TUBG2: variants seen among roughly 807,000 people sequenced by gnomAD.
TUBG2 encodes the protein tubulin gamma-2 chain.
Under a neutral mutation model 55.1 loss-of-function variants are expected in TUBG2, and 39 were observed. That is an observed-to-expected ratio of 0.71 (90% CI 0.55 to 0.93). The LOEUF is 0.93. Ranked by LOEUF, TUBG2 falls within the 40% of genes least tolerant of loss-of-function variation. The pLI is 0.00. For missense variants in TUBG2, 358 were observed against 599.1 expected, an observed-to-expected ratio of 0.60 and a Z score of 4.20; for synonymous variants, 223 against 241.0, an observed-to-expected ratio of 0.93 and a Z score of 0.69.
rs769161589 is a variant in TUBG2, at chr17:42,666,373, C to T, written c.1047C>T (p.Ile349=). Residue 349 remains isoleucine (I), a synonymous_variant, in exon 10 of 11, where the codon ATC becomes ATT. Coordinates refer to ENST00000251412, the MANE Select transcript of TUBG2 (RefSeq NM_016437.3). The part of the protein sequence containing the change: ...RIRERKLANF[I]PWGPASIQVA... The stretch of plus-strand genomic sequence containing the variant: ...GGGAACGGAAGTTGGCCAACTTCAT[C>T]CCGTGGGGCCCCGCCAGCATCCAGG... 43 of 1,614,108 alleles carry T rather than the reference C, an allele frequency of 2.7e-5. No individual in the cohort carries two copies. Among genetic ancestry groups the T allele is most frequent in the Non-Finnish European group, 3.6e-5 (43 of 1,180,038 alleles).
At position 42,659,395 on chromosome 17, in the gene TUBG2, A is replaced by G; in HGVS notation, c.-109A>G. ...GCGCAGACCGAGCATCCGCGTCAAG[A>G]GGCGAAGAGAGCGCGCGCTCCCCAC... On this transcript the variant is annotated 5_prime_UTR_variant, in exon 1 of 11. Transcript: ENST00000251412. 1 of 1,169,160 alleles carries G rather than the reference A, an allele frequency of 8.6e-7. No individual in the cohort carries two copies. Among genetic ancestry groups the G allele is most frequent in the Non-Finnish European group, 1.2e-6 (1 of 848,438 alleles). The allele number at this position is 1,169,160 out of a possible 1,614,324, so 72.4% of individuals were successfully genotyped here.
At chr17:42,662,737 A>G (rs1308515138) in intron 4 of TUBG2, among the ~76,000 whole-genome samples, 4 of 152,212 alleles carry the variant, frequency 2.6e-5, no homozygotes, top group Non-Finnish European at 4.4e-5. Flanking sequence ...AGATGGGATT[A>G]TGTCCTGATA....
intron 9 of TUBG2, 22 bp from the exon 10 acceptor site, chr17:42,666,301 A>G (rs374416992): frequency 2.5e-5 from 40 of 1,613,948 alleles, no homozygotes; most frequent in Non-Finnish European, 3.3e-5. Flanking sequence ...GGCCACCTCC[A>G]CTGCTCCTAT....
Position 42,666,328 on chromosome 17 carries a change from C to T in TUBG2, c.1002C>T (p.His334=). 6.2e-7 allele frequency: 1 copy of T among 1,614,200 alleles called. No individual in the cohort carries two copies. The highest frequency in any genetic ancestry group is 1.1e-5 in the South Asian group (1 of 91,080). ...IQGEVDPTQV[H]KSLQRIRERK... The stretch of plus-strand genomic sequence containing the variant: ...TGCTCCTATGCCCACCCCAGGTCCA[C>T]AAGAGCCTGCAGAGGATCCGGGAAC... Residue 334 remains histidine (H), a synonymous_variant, in exon 10 of 11, where the codon CAC becomes CAT. Coordinates refer to ENST00000251412, the MANE Select transcript of TUBG2 (RefSeq NM_016437.3).
In TUBG2 at chr17:42,666,320, C is replaced by T; in HGVS notation, c.997-3C>T. 6.2e-7 allele frequency: 1 copy of T among 1,614,210 alleles called. No homozygotes were observed. Among genetic ancestry groups the T allele is most frequent in the Non-Finnish European group, 8.5e-7 (1 of 1,180,038 alleles). On this transcript the variant is annotated splice_region_variant and splice_polypyrimidine_tract_variant and intron_variant, in intron 9 of 10. Coordinates refer to ENST00000251412, the MANE Select transcript of TUBG2 (RefSeq NM_016437.3). ...ACCTCCACTGCTCCTATGCCCACCC[C>T]AGGTCCACAAGAGCCTGCAGAGGAT...
At chr17:42,662,423 T>C (rs943473852) in intron 4 of TUBG2, among the ~76,000 whole-genome samples, 13 of 152,068 alleles carry the variant, frequency 8.5e-5, no homozygotes, top group African/African-American at 3.1e-4. Context: ...CTGGCCAACA[T>C]GGTGAAACCC....
At chr17:42,664,074 C>G (rs2052457826) in intron 6 of TUBG2, among the ~76,000 whole-genome samples, 1 of 151,962 alleles carries the variant, frequency 6.6e-6, no homozygotes, top group African/African-American at 2.4e-5. Context: ...CCATTGCACT[C>G]CAGCCTGGGT....
At position 42,666,713 on chromosome 17, in the gene TUBG2, G is replaced by C. The variant is rs755840284; in HGVS notation, c.1269G>C (p.Arg423Ser). 8 of 1,614,044 alleles carry C rather than the reference G, an allele frequency of 5.0e-6. No individual in the cohort carries two copies. Among genetic ancestry groups the C allele is most frequent in the Non-Finnish European group, 6.8e-6 (8 of 1,180,026 alleles). ...AGGACAACTTTGATGAGATGGACAG[G>C]TCTAGGGAGGTTGTTCAGGAGCTCA... ...MFKDNFDEMD[R>S]SREVVQELID... Residue 423 changes from arginine to serine, a missense_variant, in exon 11 of 11, where the codon AGG becomes AGC. Physicochemically the swap from Arg to Ser is moderately radical, Grantham distance 110. Coordinates refer to ENST00000251412, the MANE Select transcript of TUBG2 (RefSeq NM_016437.3).
rs1597783262 is a variant in TUBG2, at chr17:42,666,995, G to T, written c.*195G>T. On this transcript the variant is annotated 3_prime_UTR_variant, in exon 11 of 11. Transcript: ENST00000251412. ...AGCTCTAATAAAGTAATAAAGCTTGGTTGTCAGTATAGCCAGGGCTTGATC... is the reference window on the plus strand; with the variant it reads ...AGCTCTAATAAAGTAATAAAGCTTGTTTGTCAGTATAGCCAGGGCTTGATC... 1.7e-6 allele frequency: 1 copy of T among 604,364 alleles called. No individual in the cohort carries two copies. The highest frequency in any genetic ancestry group is 2.9e-5 in the East Asian group (1 of 34,042). The allele number at this position is 604,364 out of a possible 1,614,324, so 37.4% of individuals were successfully genotyped here.
At chr17:42,659,744 A>C in intron 1 of TUBG2, 90 bp from the exon 2 acceptor site, 1 of 1,528,502 alleles carries the variant, frequency 6.5e-7, no homozygotes, top group Non-Finnish European at 8.9e-7. Context: ...TCTTGGGTCC[A>C]CCCTCTGATC....
Position 42,666,872 on chromosome 17 carries a change from C to A in TUBG2, c.*72C>A. 6.5e-7 allele frequency: 1 copy of A among 1,537,992 alleles called. No homozygotes were observed. The highest frequency in any genetic ancestry group is 8.9e-7 in the Non-Finnish European group (1 of 1,120,198). ...TCGACCATGCCTGCTCCCTCTGACC[C>A]AGCTTCACCTCATGGACAACCCTTC... On this transcript the variant is annotated 3_prime_UTR_variant, in exon 11 of 11. Coordinates refer to ENST00000251412, the MANE Select transcript of TUBG2 (RefSeq NM_016437.3).
intron 6 of TUBG2, 86 bp downstream of exon 6, chr17:42,663,589 CT>C (rs1247550752): frequency 6.5e-7 from 1 of 1,540,396 alleles, no homozygotes; most frequent in African/African-American, 1.4e-5. Context: ...AGATGGATTG[CT>C]TGAGCTCAGG....
At chr17:42,660,479 C>A in intron 3 of TUBG2, 160 bp from the exon 4 acceptor site, 3 of 1,331,878 alleles carry the variant, frequency 2.3e-6, no homozygotes, top group South Asian at 1.3e-5. Context: ...TTGTGCAAAT[C>A]ATTTGCAATA....
At chr17:42,665,980 T>G in intron 8 of TUBG2, 107 bp from the exon 9 acceptor site, 5 of 1,593,600 alleles carry the variant, frequency 3.1e-6, no homozygotes, top group Non-Finnish European at 4.3e-6. Flanking sequence ...GCGACTTTCT[T>G]GCTGACTTTC....
At position 42,665,809 on chromosome 17, in the gene TUBG2, G is replaced by C. The variant is rs375295846; in HGVS notation, c.825G>C (p.Pro275=). 6.2e-7 allele frequency: 1 copy of C among 1,614,100 alleles called. No individual in the cohort carries two copies. Among genetic ancestry groups the C allele is most frequent in the South Asian group, 1.1e-5 (1 of 91,068 alleles). Residue 275 remains proline, a synonymous_variant, in exon 8 of 11, where the codon CCG becomes CCC. Transcript: ENST00000251412. ...RLHFLMTGYT[P]LTTDQSVASV... Reference sequence around the variant, plus strand: ...ACTTCCTCATGACCGGCTACACCCCGCTCACTACAGACCAGTCAGTAAGAG... The same window carrying C: ...ACTTCCTCATGACCGGCTACACCCCCCTCACTACAGACCAGTCAGTAAGAG...
Position 42,666,155 on chromosome 17 carries a change from G to C in TUBG2, c.912G>C (p.Met304Ile), listed in dbSNP as rs1198766464. ...GGCTGCTGCAGCCCAAGAACGTGAT[G>C]GTGTCCACAGGCCGAGACCGCCAGA... is the stretch of plus-strand genomic sequence containing the variant. ...MRRLLQPKNV[M>I]VSTGRDRQTN... is the part of the protein sequence containing the mutation. Residue 304 changes from methionine (M) to isoleucine (I), a missense_variant, in exon 9 of 11, where the codon ATG becomes ATC. Met to Ile is a conservative substitution (Grantham distance 10). This residue lies in a region of TUBG2 where 129 missense variants were observed against 251.6 expected (regional missense o/e 0.51). Coordinates refer to ENST00000251412, the MANE Select transcript of TUBG2 (RefSeq NM_016437.3). 4 of 1,613,988 alleles carry C rather than the reference G, an allele frequency of 2.5e-6. No homozygotes were observed.
intron 7 of TUBG2, 32 bp downstream of exon 7, chr17:42,665,594 G>A (rs1322273219): frequency 1.2e-6 from 2 of 1,613,946 alleles, no homozygotes; most frequent in Admixed American, 3.3e-5. Context: ...CCTTTGGACT[G>A]GAAGCCCTCC....
chr17:42,665,695 G>A lies in TUBG2; in HGVS notation c.711G>A (p.Ser237=), dbSNP rs370153197. ...QINQLVSTIM[S]ASTTTLRYPG... ...GTCCCCAGGTGTCCACCATCATGTC[G>A]GCCAGCACCACCACCCTGCGCTACC... The change falls in exon 8 of 11, where the codon TCG becomes TCA. Residue 237 remains serine, a synonymous_variant. Transcript: ENST00000251412. 1.1e-5 allele frequency: 17 copies of A among 1,614,070 alleles called. No homozygotes were observed. Among genetic ancestry groups the A allele is most frequent in the African/African-American group, 8.0e-5 (6 of 75,022 alleles).
In TUBG2 at chr17:42,659,528, C is replaced by G. The variant is rs1042502133; in HGVS notation, c.25C>G (p.Gln9Glu). 7 of 1,552,352 alleles carry G rather than the reference C, an allele frequency of 4.5e-6. No homozygotes were observed. In the African/African-American group the frequency reaches 9.6e-5, roughly 21 times the overall value. The change falls in exon 1 of 11, where the codon CAG (glutamine) becomes GAG (glutamate). Residue 9 changes from glutamine to glutamate, a missense_variant. Gln to Glu is a conservative substitution (Grantham distance 29). Coordinates refer to ENST00000251412, the MANE Select transcript of TUBG2 (RefSeq NM_016437.3). ...GATGCCCCGGGAGATCATCACCCTG[C>G]AGCTGGGCCAGTGCGGCAACCAGAG... MPREIITL[Q>E]LGQCGNQIGF...
Sources: allele counts gnomAD v4.1 joint callset (sites outside exome capture counted in the v4.1 genomes callset), GRCh38; gene constraint gnomAD v4.1.1; regional missense constraint gnomAD v4.1.1; transcripts MANE v1.5; gene names NCBI Gene and HGNC (gene_info 2026-07-23, HGNC 2026-07-21).